CDK17: variants seen among roughly 807,000 people sequenced by gnomAD.
The protein encoded by CDK17 is cyclin dependent kinase 17.
A neutral mutation model predicts 77.6 loss-of-function variants in CDK17; 24 were observed. That is an observed-to-expected ratio of 0.31 (90% CI 0.22 to 0.44). CDK17 has a LOEUF of 0.44. Ranked by LOEUF, CDK17 falls within the 20% of genes least tolerant of loss-of-function variation. The pLI is 1.00. For missense variants in CDK17, 429 were observed against 622.5 expected (o/e 0.69, Z 3.31); for synonymous variants, 203 against 210.4 (o/e 0.96, Z 0.30).
chr12:96,363,288 T>TA (rs1249021346), intron 1 of CDK17, among the ~76,000 whole-genome samples: 1 of 151,448 alleles, frequency 6.6e-6, no homozygotes, highest in Non-Finnish European at 1.5e-5. Flanking sequence ...CCGTCTCTAC[T>TA]AAAAATACAA....
chr12:96,393,609 C>A (rs770458705), intron 1 of CDK17, among the ~76,000 whole-genome samples: 5 of 151,978 alleles, frequency 3.3e-5, no homozygotes, highest in Non-Finnish European at 7.4e-5. Flanking sequence ...GGCGCTGAAC[C>A]TGTAGTCCCA....
intron 5 of CDK17, among the ~76,000 whole-genome samples, chr12:96,300,948 A>G (rs993614387): frequency 1.3e-5 from 2 of 152,234 alleles, no homozygotes; most frequent in Non-Finnish European, 2.9e-5. Context: ...TTTTATTCTA[A>G]GATACCACAG....
At chr12:96,289,081 A>G (rs1157991356) in intron 11 of CDK17, 86 bp downstream of exon 11, 2 of 1,391,142 alleles carry the variant, frequency 1.4e-6, no homozygotes, top group African/African-American at 2.9e-5. Flanking sequence ...ATATCTCCTT[A>G]AAAGTATATA....
intron 9 of CDK17, among the ~76,000 whole-genome samples, chr12:96,295,588 C>G (rs2137078869): frequency 6.6e-6 from 1 of 151,794 alleles, no homozygotes; most frequent in African/African-American, 2.4e-5. Flanking sequence ...TAAAATAAGG[C>G]ACTGGAATTG....
At chr12:96,331,765 A>G (rs1592733450) in intron 2 of CDK17, among the ~76,000 whole-genome samples, 1 of 152,140 alleles carries the variant, frequency 6.6e-6, no homozygotes, top group East Asian at 1.9e-4. Context: ...TTATAGTATT[A>G]CCCCCAATTA....
intron 3 of CDK17, among the ~76,000 whole-genome samples, chr12:96,323,743 G>T (rs1952856311): frequency 6.6e-6 from 1 of 152,094 alleles, no homozygotes; most frequent in African/African-American, 2.4e-5. Flanking sequence ...CCTCCTGATG[G>T]ACAGGTTTTT....
At chr12:96,335,354 A>G (rs1424451620) in intron 1 of CDK17, 1 of 225,248 alleles carries the variant, frequency 4.4e-6, no homozygotes, top group African/African-American at 2.4e-5. Flanking sequence ...ACGCTCTTAC[A>G]CAGCCAGTAC....
At chr12:96,346,037 T>C (rs539904118) in intron 1 of CDK17, among the ~76,000 whole-genome samples, 70 of 152,212 alleles carry the variant, frequency 4.6e-4, no homozygotes, top group Non-Finnish European at 9.8e-4. Flanking sequence ...ATGCTGTCTA[T>C]AAGAGACCGG....
At chr12:96,327,930 G>A (rs889571940) in intron 2 of CDK17, among the ~76,000 whole-genome samples, 8 of 152,194 alleles carry the variant, frequency 5.3e-5, no homozygotes, top group African/African-American at 1.9e-4. Flanking sequence ...CTGGAATTGT[G>A]TATCAGTCAC....
chr12:96,284,353 C>A lies in CDK17; in HGVS notation c.1323-708G>T, dbSNP rs527878631. On this transcript the variant is annotated intron_variant, in intron 13 of 16. Coordinates refer to ENST00000261211, the MANE Select transcript of CDK17 (RefSeq NM_002595.5). Reference sequence around the variant, plus strand: ...GCAGGCGCCTGTAGTCCCAGCTACTCGGGAGGCTGAGGCAGGAGAATGGCG... The same window carrying A: ...GCAGGCGCCTGTAGTCCCAGCTACTAGGGAGGCTGAGGCAGGAGAATGGCG... The A allele has an allele frequency of 3.3e-5, 5 of 149,502 alleles. No individual in the cohort carries two copies. In the East Asian group the frequency reaches 1.0e-3, roughly 31 times the overall value. The allele number at this position is 149,502 out of a possible 1,614,324, so 9.3% of individuals were successfully genotyped here.
chr12:96,283,529 A>G (rs980676617), intron 14 of CDK17, 74 bp downstream of exon 14: 3 of 836,732 alleles, frequency 3.6e-6, no homozygotes, highest in South Asian at 1.4e-5. Flanking sequence ...AGGAAGTACT[A>G]CTGAGCCCAT....
chr12:96,286,078 T>G lies in CDK17; in HGVS notation c.1287A>C (p.Lys429Asn), dbSNP rs756004806. 2 of 1,561,784 alleles carry G rather than the reference T, an allele frequency of 1.3e-6. No homozygotes were observed. Among genetic ancestry groups the G allele is most frequent in the Non-Finnish European group, 1.7e-6 (2 of 1,151,100 alleles). ...GGTTAATTAGAGGCTGTGGTTTATA[T>G]TTTGGAAAGTTGTAGTTCTTGAACT... is the stretch of plus-strand genomic sequence containing the variant. ...NEEFKNYNFPKYKPQPLINHA... is the reference protein window; with the variant it reads ...NEEFKNYNFPNYKPQPLINHA... Residue 429 changes from lysine (K) to asparagine (N), a missense_variant, in exon 13 of 17, where the codon AAA becomes AAC. By Grantham distance (94) the Lys-to-Asn change is moderately conservative. Transcript: ENST00000261211.
intron 1 of CDK17, among the ~76,000 whole-genome samples, chr12:96,344,730 C>T (rs1953174087): frequency 6.6e-6 from 1 of 152,148 alleles, no homozygotes; most frequent in Admixed American, 6.5e-5. Flanking sequence ...AGACATAACA[C>T]TGGTAAAGGT....
At chr12:96,304,186 A>G (rs1274286451) in intron 5 of CDK17, among the ~76,000 whole-genome samples, 1 of 152,204 alleles carries the variant, frequency 6.6e-6, no homozygotes, top group Non-Finnish European at 1.5e-5. Context: ...TAAAGGGGGA[A>G]GCTTCTGTAT....
At chr12:96,303,162 A>G (rs1952531175) in intron 5 of CDK17, 1 of 152,198 alleles carries the variant, frequency 6.6e-6, no homozygotes, top group Non-Finnish European at 1.5e-5. Context: ...AATTATTCAG[A>G]GGACAGAGGA....
chr12:96,378,602 G>A (rs757600792), intron 1 of CDK17, among the ~76,000 whole-genome samples: 9 of 152,200 alleles, frequency 5.9e-5, no homozygotes, highest in Non-Finnish European at 1.0e-4. Flanking sequence ...TCTCTCAGCT[G>A]ACAGTGGAAG....
At chr12:96,363,619 G>T (rs573405838) in intron 1 of CDK17, among the ~76,000 whole-genome samples, 1 of 152,074 alleles carries the variant, frequency 6.6e-6, no homozygotes, top group African/African-American at 2.4e-5. Flanking sequence ...AGGTCAAGGC[G>T]GGCAGATCAT....
chr12:96,357,969 G>A (rs1953426069), intron 1 of CDK17, among the ~76,000 whole-genome samples: 1 of 151,990 alleles, frequency 6.6e-6, no homozygotes. Flanking sequence ...GTAATTCATA[G>A]AATAGAATGT....
Position 96,280,800 on chromosome 12 carries a change from A to G in CDK17, c.1534+8T>C, listed in dbSNP as rs1213550836. 1 of 1,613,618 alleles carries G rather than the reference A, an allele frequency of 6.2e-7. No homozygotes were observed. Among genetic ancestry groups the G allele is most frequent in the African/African-American group, 1.3e-5 (1 of 74,902 alleles). ...ATCGACACGTGAAATGGTTTATGACAAACACACCTGTCTCTGGATAAGAAG... is the reference window on the plus strand; with the variant it reads ...ATCGACACGTGAAATGGTTTATGACGAACACACCTGTCTCTGGATAAGAAG... On this transcript the variant is annotated splice_region_variant and intron_variant, in intron 16 of 16. Transcript: ENST00000261211.
Sources: allele counts gnomAD v4.1 joint callset (sites outside exome capture counted in the v4.1 genomes callset), GRCh38; gene constraint gnomAD v4.1.1; transcripts MANE v1.5; gene names NCBI Gene and HGNC (gene_info 2026-07-23, HGNC 2026-07-21).